P2RY8: variants seen among roughly 807,000 people sequenced by gnomAD.
P2RY8 encodes the protein P2Y receptor family member 8.
Under a neutral mutation model 10.0 loss-of-function variants are expected in P2RY8, and 6 were observed. The observed-to-expected ratio is 0.60, with a 90% CI of 0.33 to 1.19. The LOEUF is 1.19. Ranked by LOEUF, P2RY8 falls within the 50% of genes most tolerant of loss-of-function variation. The probability of loss-of-function intolerance (pLI) is 0.04; values close to 1 mark genes in which losing one functional copy is unlikely to be tolerated. For synonymous variants in P2RY8, 276 were observed against 252.5 expected (o/e 1.09, Z -0.88); for missense variants, 456 against 542.0 (o/e 0.84, Z 1.58).
intron 1 of P2RY8, among the ~76,000 whole-genome samples, chrX:1,510,883 A>G (rs2092293789): frequency 6.6e-6 from 1 of 151,244 alleles, no homozygotes; most frequent in African/African-American, 2.4e-5. Context: ...CGTCTCAAAA[A>G]GAAAAAGAAA....
At chrX:1,522,750 A>C (rs2092401985) in intron 1 of P2RY8, among the ~76,000 whole-genome samples, 1 of 151,470 alleles carries the variant, frequency 6.6e-6, no homozygotes, top group Non-Finnish European at 1.5e-5. Flanking sequence ...CAGCCTGGGC[A>C]ACAGAGCAAG....
At chrX:1,535,753 A>T (rs1435964311) in intron 1 of P2RY8, among the ~76,000 whole-genome samples, 1 of 149,480 alleles carries the variant, frequency 6.7e-6, no homozygotes, top group Non-Finnish European at 1.5e-5. Flanking sequence ...ACACACACAA[A>T]CCCTTTTCTT....
chrX:1,474,688 G>A (rs1261313933), intron 1 of P2RY8, among the ~76,000 whole-genome samples: 1 of 147,216 alleles, frequency 6.8e-6, no homozygotes, highest in Non-Finnish European at 1.5e-5. Flanking sequence ...AGATGGATGA[G>A]TGGGAGGATG....
At chrX:1,527,869 C>T (rs1414863693) in intron 1 of P2RY8, among the ~76,000 whole-genome samples, 1 of 152,176 alleles carries the variant, frequency 6.6e-6, no homozygotes, top group Admixed American at 6.6e-5. Context: ...TTCAACCATC[C>T]AACAAACAGT....
intron 1 of P2RY8, among the ~76,000 whole-genome samples, chrX:1,532,975 C>T (rs2092490827): frequency 1.5e-5 from 2 of 130,030 alleles, no homozygotes; most frequent in African/African-American, 6.0e-5. Flanking sequence ...TGCTCTCCAG[C>T]CTGGGCAACA....
At chrX:1,494,874 T>TTA in intron 1 of P2RY8, among the ~76,000 whole-genome samples, 1 of 131,998 alleles carries the variant, frequency 7.6e-6, no homozygotes, top group East Asian at 2.7e-4. Flanking sequence ...GGCTAATTTT[T>TTA]TTTTTTTTTT....
chrX:1,510,059 TATCTATCTC>T (rs1308200299), intron 1 of P2RY8, among the ~76,000 whole-genome samples: 1 of 152,144 alleles, frequency 6.6e-6, no homozygotes, highest in Non-Finnish European at 1.5e-5. Context: ...ATCATCTATC[TATCTATCTC>T]ATCTATCATC....
At position 1,463,294 on chromosome X, in the gene P2RY8, A is replaced by G. The variant is rs186766025; in HGVS notation, c.*2185T>C. On this transcript the variant is annotated 3_prime_UTR_variant, in exon 2 of 2. Coordinates refer to ENST00000381297, the MANE Select transcript of P2RY8 (RefSeq NM_178129.5). Reference sequence around the variant, plus strand: ...GGTTCAGCTTTGGAACAGTCTAGAGAAGCAGGAGGTTAATTTTCCTCCTTC... The same window carrying G: ...GGTTCAGCTTTGGAACAGTCTAGAGGAGCAGGAGGTTAATTTTCCTCCTTC... 1.7e-5 allele frequency: 4 copies of G among 232,978 alleles called. No homozygotes were observed. The Admixed American group carries it at 2.3e-4, about 13-fold the overall frequency. The allele number at this position is 232,978 out of a possible 1,614,324, so 14.4% of individuals were successfully genotyped here. A position where few individuals can be genotyped will look rare whatever the true frequency, so the allele number is the denominator to read the frequency against.
intron 1 of P2RY8, among the ~76,000 whole-genome samples, chrX:1,535,659 C>G: frequency 6.6e-6 from 1 of 151,402 alleles, no homozygotes; most frequent in South Asian, 2.1e-4. Flanking sequence ...TTCTCATCCA[C>G]GTTACGTAAA....
chrX:1,506,233 C>A (rs1240827441), intron 1 of P2RY8, among the ~76,000 whole-genome samples: 2 of 152,028 alleles, frequency 1.3e-5, no homozygotes, highest in African/African-American at 4.8e-5. Flanking sequence ...CCTTAGACGA[C>A]CCGCCTGCCT....
chrX:1,532,239 T>C (rs1461199295), intron 1 of P2RY8, among the ~76,000 whole-genome samples: 2 of 151,760 alleles, frequency 1.3e-5, no homozygotes, highest in Non-Finnish European at 2.9e-5. Flanking sequence ...GTGGTGTATT[T>C]ATATATATAA....
intron 1 of P2RY8, among the ~76,000 whole-genome samples, chrX:1,477,852 G>A (rs1224164369): frequency 1.3e-5 from 2 of 152,206 alleles, no homozygotes; most frequent in Admixed American, 6.5e-5. Flanking sequence ...GGCTTTCGGG[G>A]AGAGAAAAGA....
intron 1 of P2RY8, among the ~76,000 whole-genome samples, chrX:1,473,174 T>G: frequency 1.3e-5 from 2 of 148,178 alleles, no homozygotes; most frequent in Non-Finnish European, 3.0e-5. Context: ...AGTAGGTAGA[T>G]GGATGGGTGG....
chrX:1,496,655 T>A (rs58321628), intron 1 of P2RY8, among the ~76,000 whole-genome samples: 73,626 of 150,888 alleles, frequency 0.49, 18,482 homozygotes, highest in East Asian at 0.61. Context: ...TAACTAGGAC[T>A]TGGGAAGATA....
At position 1,524,557 on chromosome X, in the gene P2RY8, G is replaced by C. The variant is rs867020938; in HGVS notation, c.-25+12364C>G. 1.0e-2 allele frequency among the ~76,000 whole-genome samples: 642 copies of C among 64,494 alleles called. 1 individual carries two copies. Among genetic ancestry groups the C allele is most frequent in the Middle Eastern group, 0.054 (4 of 74 alleles). 42.3% of individuals were successfully genotyped at this position (64,494 alleles called of 152,430 possible). A position where few individuals can be genotyped will look rare whatever the true frequency, so the allele number is the denominator to read the frequency against. On this transcript the variant is annotated intron_variant, in intron 1 of 1. Transcript: ENST00000381297. ...TCCATCCATCCATCCATCCATGCAT[G>C]CATCCATCCATCCATCCATCCATCC...
At chrX:1,513,488 C>G (rs66535436) in intron 1 of P2RY8, among the ~76,000 whole-genome samples, 57,775 of 149,920 alleles carry the variant, frequency 0.39, 10,946 homozygotes, top group African/African-American at 0.47. Flanking sequence ...GGCCGCATCA[C>G]TCCAGTGTCT....
At chrX:1,471,096 T>G (rs1255966368) in intron 1 of P2RY8, among the ~76,000 whole-genome samples, 1 of 149,486 alleles carries the variant, frequency 6.7e-6, no homozygotes, top group Non-Finnish European at 1.5e-5. Context: ...CAACCTCCGC[T>G]TCCCCGGTTC....
chrX:1,520,699 G>A (rs1390016375), intron 1 of P2RY8, among the ~76,000 whole-genome samples: 1 of 150,972 alleles, frequency 6.6e-6, no homozygotes, highest in Non-Finnish European at 1.5e-5. Flanking sequence ...TAATCTCCCT[G>A]GTCTCCAATA....
chrX:1,494,268 C>T (rs1400139747), intron 1 of P2RY8: 1 of 152,260 alleles, frequency 6.6e-6, no homozygotes. Flanking sequence ...GCTCTCTGCT[C>T]TGCTGGGAAA....
Sources: gnomAD v4.1 joint callset for allele counts (sites outside exome capture counted in the v4.1 genomes callset) on GRCh38, gnomAD v4.1.1 for gene constraint, MANE v1.5 for transcripts, NCBI Gene and HGNC (gene_info 2026-07-23, HGNC 2026-07-21) for gene names.